CHRDL2: variants seen among roughly 807,000 people sequenced by gnomAD.
CHRDL2 encodes chordin-like protein 2.
A neutral mutation model predicts 54.3 loss-of-function variants in CHRDL2; 41 were observed. The observed-to-expected ratio is 0.76, with a 90% confidence interval of 0.59 to 0.98. The LOEUF is 0.98. Among genes scored for constraint, CHRDL2 ranks in the 50% least tolerant of loss-of-function variants. CHRDL2 has a pLI of 0.00. For synonymous variants in CHRDL2, 220 were observed against 224.3 expected (o/e 0.98, Z 0.17); for missense variants, 518 against 562.4 (o/e 0.92, Z 0.80).
chr11:74,712,315 A>G (rs1275409055), intron 3 of CHRDL2, among the ~76,000 whole-genome samples: 5 of 152,074 alleles, frequency 3.3e-5, no homozygotes, highest in Non-Finnish European at 1.5e-5. Context: ...GGCAACGGTG[A>G]GCAGAGTCTT....
Position 74,713,622 on chromosome 11 carries a change from C to T in CHRDL2, c.196-143G>A, listed in dbSNP as rs1169490574. ...ATTGGACTGAAAACAATTAAGTGTG[C>T]CCGGTTCCTCCCCATTCCTGCCCAC... is the stretch of plus-strand genomic sequence containing the variant. On this transcript the variant is annotated intron_variant, in intron 2 of 10. Coordinates refer to ENST00000376332, the MANE Select transcript of CHRDL2 (RefSeq NM_001278473.3). 7.8e-6 allele frequency: 5 copies of T among 643,002 alleles called. No individual in the cohort carries two copies. The East Asian group carries it at 1.4e-4, about 18-fold the overall frequency. 39.8% of individuals were successfully genotyped at this position (643,002 alleles called of 1,614,324 possible). A position where few individuals can be genotyped will look rare whatever the true frequency, so the allele number is the denominator to read the frequency against.
At chr11:74,728,130 A>T (rs2034598950) in intron 1 of CHRDL2, among the ~76,000 whole-genome samples, 1 of 152,204 alleles carries the variant, frequency 6.6e-6, no homozygotes, top group Non-Finnish European at 1.5e-5. Flanking sequence ...TATGGCTGGA[A>T]ATAGAACCAA....
intron 5 of CHRDL2, 80 bp downstream of exon 5, chr11:74,708,208 GTCACCTGCAGTTCC>G: frequency 2.4e-6 from 2 of 820,790 alleles, no homozygotes; most frequent in Non-Finnish European, 3.6e-6. Flanking sequence ...CATGCTGGGT[GTCACCTGCAGTTCC>G]TCACGGCTCT....
intron 4 of CHRDL2, among the ~76,000 whole-genome samples, chr11:74,708,802 A>G (rs2034097653): frequency 6.6e-6 from 1 of 152,212 alleles, no homozygotes; most frequent in Admixed American, 6.5e-5. Context: ...CAGGTGGGTG[A>G]TACCTGGGCT....
chr11:74,713,800 C>T (rs1435247762), intron 2 of CHRDL2, among the ~76,000 whole-genome samples: 2 of 152,158 alleles, frequency 1.3e-5, no homozygotes, highest in Non-Finnish European at 2.9e-5. Flanking sequence ...GCTTTGACTG[C>T]ACTATTTTAA....
rs927076168 is a variant in CHRDL2, at chr11:74,718,847, A to C, written c.83-15T>G. On this transcript the variant is annotated splice_polypyrimidine_tract_variant and intron_variant, in intron 1 of 10. Transcript: ENST00000376332. ...CATGTCTGGGCCTGGCAAACCGACC[A>C]GTGCCATGTTAGTCCCAGGAGGCTC... 6.5e-7 allele frequency: 1 copy of C among 1,546,092 alleles called. No individual in the cohort carries two copies. The highest frequency in any genetic ancestry group is 2.3e-5 in the East Asian group (1 of 43,676).
At chr11:74,714,179 G>A (rs773677018) in intron 2 of CHRDL2, among the ~76,000 whole-genome samples, 2 of 151,670 alleles carry the variant, frequency 1.3e-5, no homozygotes, top group Non-Finnish European at 2.9e-5. Flanking sequence ...CAGCCTTCCC[G>A]CACCTTGTTC....
rs201013977 is a variant in CHRDL2 at position 74,702,776 on chromosome 11, G to C, written c.1120+18C>G. 9 of 1,613,334 alleles carry C rather than the reference G, an allele frequency of 5.6e-6. No individual in the cohort carries two copies. Among genetic ancestry groups the C allele is most frequent in the Non-Finnish European group, 7.6e-6 (9 of 1,179,438 alleles). ...ACTGGCCAGAGGTACACCCCACTGG[G>C]AGTGGGCCAGCACTCACCTTTTACC... On this transcript the variant is annotated intron_variant, in intron 9 of 10. Transcript: ENST00000376332.
At chr11:74,697,648 T>C in intron 9 of CHRDL2, 1 of 463,418 alleles carries the variant, frequency 2.2e-6, no homozygotes. Context: ...CAGTGAAGCC[T>C]GTTTTCTTCT....
At chr11:74,701,785 T>G in intron 9 of CHRDL2, 2 of 545,554 alleles carry the variant, frequency 3.7e-6, no homozygotes, top group African/African-American at 1.9e-5. Context: ...CTTATCATCA[T>G]TCCCTCTTCC....
chr11:74,708,329 G>T lies in CHRDL2; in HGVS notation c.499C>A (p.Pro167Thr). The change falls in exon 5 of 11, where the codon CCA becomes ACA. Residue 167 changes from proline to threonine, a missense_variant. Physicochemically the swap from Pro to Thr is conservative, Grantham distance 38. Transcript: ENST00000376332. ...EPGCPAPLPL[P>T]DSCCQACKDE... is the part of the protein sequence containing the mutation. ...TTGCAGGCCTGGCAGCAGGAGTCTG[G>T]CAGCGGGAGGGGTGCTGGGCAGCCT... 6.3e-7 allele frequency: 1 copy of T among 1,579,910 alleles called. No homozygotes were observed. The highest frequency in any genetic ancestry group is 8.6e-7 in the Non-Finnish European group (1 of 1,167,328).
In CHRDL2 at chr11:74,718,826, T is replaced by A. The variant is rs140676656; in HGVS notation, c.89A>T (p.Asp30Val). Residue 30 changes from aspartate to valine, a missense_variant, in exon 2 of 11, where the codon GAC becomes GTC. Asp to Val is a radical substitution (Grantham distance 152). Coordinates refer to ENST00000376332, the MANE Select transcript of CHRDL2 (RefSeq NM_001278473.3). ...PLDSHARARP[D>V]MFCLFHGKRY... ...CTTCCCATGGAAAAGGCAGAACATG[T>A]CTGGGCCTGGCAAACCGACCAGTGC... 5.7e-5 allele frequency: 92 copies of A among 1,609,184 alleles called. No individual in the cohort carries two copies. The East Asian group carries it at 1.9e-3, about 34-fold the overall frequency.
intron 5 of CHRDL2, among the ~76,000 whole-genome samples, chr11:74,707,414 C>T (rs2034044819): frequency 6.6e-6 from 1 of 152,220 alleles, no homozygotes; most frequent in Admixed American, 6.5e-5. Flanking sequence ...ACTACCTCAG[C>T]CTGCAGGGAA....
intron 2 of CHRDL2, among the ~76,000 whole-genome samples, chr11:74,716,217 A>G (rs2034346760): frequency 6.6e-6 from 1 of 152,004 alleles, no homozygotes; most frequent in Non-Finnish European, 1.5e-5. Context: ...GTGTGGCTGC[A>G]GCAGAGTGAG....
intron 9 of CHRDL2, chr11:74,698,977 C>T (rs1482668947): frequency 6.6e-6 from 1 of 152,288 alleles, no homozygotes; most frequent in Non-Finnish European, 1.5e-5. Context: ...TTATGGGAAT[C>T]AGCGTGGGAT....
chr11:74,730,823 G>A lies in CHRDL2; in HGVS notation c.66C>T (p.Asp22=). The A allele has an allele frequency of 1.2e-6, 2 of 1,612,304 alleles. No individual in the cohort carries two copies. Among genetic ancestry groups the A allele is most frequent in the South Asian group, 2.2e-5 (2 of 90,426 alleles). ...LGLALLWFPL[D]SHARARPDMF... is the part of the protein sequence containing the mutation. ...TCTACTTACGGGCTCGAGCGTGGGA[G>A]TCCAGGGGGAACCAGAGCAGCGCGA... Residue 22 remains aspartate (D), a synonymous_variant, in exon 1 of 11, where the codon GAC becomes GAT. Coordinates refer to ENST00000376332, the MANE Select transcript of CHRDL2 (RefSeq NM_001278473.3).
Position 74,696,604 on chromosome 11 carries a change from A to G in CHRDL2, c.1214-19T>C. 6.3e-7 allele frequency: 1 copy of G among 1,575,782 alleles called. No individual in the cohort carries two copies. Among genetic ancestry groups the G allele is most frequent in the Admixed American group, 1.7e-5 (1 of 59,984 alleles). On this transcript the variant is annotated intron_variant, in intron 10 of 10. Coordinates refer to ENST00000376332, the MANE Select transcript of CHRDL2 (RefSeq NM_001278473.3). ...CAGTGACCTGCATGGAGGAGGGCAG[A>G]AGAGGGAAGAGGCGTATGTGTCTGC...
At chr11:74,726,541 C>G (rs555492220) in intron 1 of CHRDL2, among the ~76,000 whole-genome samples, 1 of 152,172 alleles carries the variant, frequency 6.6e-6, no homozygotes, top group Non-Finnish European at 1.5e-5. Context: ...GATCTCTGTA[C>G]TACACCTCCC....
intron 3 of CHRDL2, among the ~76,000 whole-genome samples, chr11:74,711,416 G>T (rs1433882035): frequency 6.6e-6 from 1 of 152,204 alleles, no homozygotes; most frequent in Non-Finnish European, 1.5e-5. Context: ...CCCTCACAGG[G>T]TTACATTCTA....
Sources: allele counts gnomAD v4.1 joint callset (sites outside exome capture counted in the v4.1 genomes callset), GRCh38; gene constraint gnomAD v4.1.1; transcripts MANE v1.5; gene names NCBI Gene and HGNC (gene_info 2026-07-23, HGNC 2026-07-21).